Variants in CDADC1 observed in about 807,000 individuals in gnomAD.
CDADC1 encodes the protein cytidine and dCMP deaminase domain containing 1.
In CDADC1, 39 loss-of-function variants were observed where a neutral mutation model predicts 54.9. That is an observed-to-expected ratio of 0.71 (90% CI 0.55 to 0.93). The LOEUF is 0.93. Among genes scored for constraint, CDADC1 ranks in the 40% least tolerant of loss-of-function variants. CDADC1 has a pLI of 0.00. For synonymous variants in CDADC1, 186 were observed against 204.0 expected, an observed-to-expected ratio of 0.91 and a Z score of 0.75; for missense variants, 518 against 618.8, an observed-to-expected ratio of 0.84 and a Z score of 1.73.
Position 49,292,405 on chromosome 13 carries a change from C to T in CDADC1, c.*648C>T, listed in dbSNP as rs1220295405. The T allele has an allele frequency of 3.4e-5, 34 of 994,826 alleles. No homozygotes were observed. The highest frequency in any genetic ancestry group is 9.0e-5 in the South Asian group (2 of 22,344). The allele number at this position is 994,826 out of a possible 1,614,324, so 61.6% of individuals were successfully genotyped here. On this transcript the variant is annotated 3_prime_UTR_variant, in exon 10 of 10. Coordinates refer to ENST00000251108, the MANE Select transcript of CDADC1 (RefSeq NM_030911.4). The stretch of plus-strand genomic sequence containing the variant: ...AGAGAGTGTTATTCTGAGACAGTGT[C>T]GCTGCTTGATATCACTGACTCTTGA...
intron 1 of CDADC1, among the ~76,000 whole-genome samples, chr13:49,248,635 T>C (rs1192760624): frequency 6.6e-6 from 1 of 152,228 alleles, no homozygotes; most frequent in Non-Finnish European, 1.5e-5. Context: ...CGTTTTTTCC[T>C]GCAGGGTGAG....
chr13:49,262,082 C>G (rs1034629739), intron 4 of CDADC1, among the ~76,000 whole-genome samples: 2 of 152,160 alleles, frequency 1.3e-5, no homozygotes, highest in African/African-American at 4.8e-5. Flanking sequence ...TGTTGTAGCA[C>G]AGTGGTTCTC....
intron 2 of CDADC1, among the ~76,000 whole-genome samples, chr13:49,252,101 C>G (rs1952447067): frequency 6.6e-6 from 1 of 152,220 alleles, no homozygotes; most frequent in Non-Finnish European, 1.5e-5. Context: ...AGCCAGGCAA[C>G]CTGGAACTAG....
rs1475556670 is a variant in CDADC1 at position 49,291,734 on chromosome 13, A to G, written c.1522A>G (p.Lys508Glu). 6.2e-7 allele frequency: 1 copy of G among 1,614,134 alleles called. No homozygotes were observed. The highest frequency in any genetic ancestry group is 2.2e-5 in the East Asian group (1 of 44,878). Residue 508 changes from lysine (K) to glutamate (E), a missense_variant, in exon 10 of 10, where the codon AAG (lysine) becomes GAG (glutamate). Lys to Glu is a moderately conservative substitution (Grantham distance 56). Transcript: ENST00000251108. ...PQKEEQHQDKKLRLGIH is the reference protein window; with the variant it reads ...PQKEEQHQDKELRLGIH ...GAAGGAAGAGCAGCACCAGGACAAGAAGCTGCGCCTCGGAATCCACTAAGA... is the reference window on the plus strand; with the variant it reads ...GAAGGAAGAGCAGCACCAGGACAAGGAGCTGCGCCTCGGAATCCACTAAGA...
At chr13:49,284,137 C>T (rs1478354401) in intron 8 of CDADC1, among the ~76,000 whole-genome samples, 1 of 152,158 alleles carries the variant, frequency 6.6e-6, no homozygotes, top group Admixed American at 6.6e-5. Flanking sequence ...AACACTGTTT[C>T]CAAGAATAGA....
chr13:49,255,500 C>T (rs1008348537), intron 2 of CDADC1, among the ~76,000 whole-genome samples: 1 of 152,220 alleles, frequency 6.6e-6, no homozygotes, highest in Non-Finnish European at 1.5e-5. Flanking sequence ...TAATTTACCT[C>T]TATTCCACTT....
chr13:49,269,972 G>A (rs1026587566), intron 5 of CDADC1, among the ~76,000 whole-genome samples: 2 of 152,090 alleles, frequency 1.3e-5, no homozygotes, highest in Non-Finnish European at 2.9e-5. Context: ...ATTTTTCAAG[G>A]TTAATTGTTG....
rs141870603 is a variant in CDADC1, at chr13:49,251,422, G to A, written c.177+2457G>A. 4.9e-3 allele frequency among the ~76,000 whole-genome samples: 738 copies of A among 149,492 alleles called. 4 individuals carry two copies. The highest frequency in any genetic ancestry group is 0.017 in the African/African-American group (665 of 39,882). On this transcript the variant is annotated intron_variant, in intron 2 of 9. Transcript: ENST00000251108. Reference sequence around the variant, plus strand: ...AAAGAAAAAAAAAAGAAAAAAAAACGTATAAAAACTGGACATATTAGAGAT... The same window carrying A: ...AAAGAAAAAAAAAAGAAAAAAAAACATATAAAAACTGGACATATTAGAGAT...
chr13:49,248,819 C>T, intron 1 of CDADC1, 52 bp from the exon 2 acceptor site: 1 of 1,183,156 alleles, frequency 8.5e-7, no homozygotes, highest in Non-Finnish European at 1.3e-6. Flanking sequence ...AGATTGGCTC[C>T]CTTTTTCACC....
intron 1 of CDADC1, 45 bp downstream of exon 1, chr13:49,248,164 G>T (rs1952339759): frequency 1.4e-6 from 2 of 1,465,742 alleles, no homozygotes; most frequent in Non-Finnish European, 1.9e-6. Context: ...CTTTCGCTCT[G>T]CCCTGTGCGT....
In CDADC1 at chr13:49,267,771, G is replaced by C; in HGVS notation, c.712G>C (p.Glu238Gln). The change falls in exon 5 of 10, where the codon GAA becomes CAA. Residue 238 changes from glutamate to glutamine, a missense_variant. Glu to Gln is a conservative substitution (Grantham distance 29). Coordinates refer to ENST00000251108, the MANE Select transcript of CDADC1 (RefSeq NM_030911.4). ...TGAATGTAAACAAGAAAGAATAAAA[G>C]AATATGAAATGTTATTTTTGGTTTC... Reference protein sequence around the residue: ...YYECKQERIKEYEMLFLVSNE... With the variant: ...YYECKQERIKQYEMLFLVSNE... The C allele has an allele frequency of 6.2e-7, 1 of 1,612,088 alleles. No homozygotes were observed. The highest frequency in any genetic ancestry group is 1.1e-5 in the South Asian group (1 of 90,866).
chr13:49,269,257 CAGATGCTATACTTTTTACTTT>C (rs1566364873), intron 5 of CDADC1, among the ~76,000 whole-genome samples: 2 of 52,916 alleles, frequency 3.8e-5, no homozygotes, highest in Non-Finnish European at 9.7e-5. Context: ...ATAAAAAGTA[CAGATGCTATACTTTTTACTTT>C]TATAAAAAGT....
intron 5 of CDADC1, among the ~76,000 whole-genome samples, chr13:49,272,360 TAAACTC>T (rs1313551081): frequency 3.9e-5 from 6 of 152,244 alleles, no homozygotes; most frequent in African/African-American, 1.4e-4. Context: ...CCACTCATGT[TAAACTC>T]TAAAGGTCTA....
Position 49,291,827 on chromosome 13 carries a change from A to G in CDADC1, c.*70A>G. 2 of 1,553,042 alleles carry G rather than the reference A, an allele frequency of 1.3e-6. No homozygotes were observed. Among genetic ancestry groups the G allele is most frequent in the Non-Finnish European group, 8.7e-7 (1 of 1,151,404 alleles). ...GCACTTCTAAAATTCAGCCTTGTTC[A>G]TTCAGAAAATAAGGATGGATTTTGT... On this transcript the variant is annotated 3_prime_UTR_variant, in exon 10 of 10. Transcript: ENST00000251108.
Position 49,274,289 on chromosome 13 carries a change from A to G in CDADC1, c.1001-2A>G, listed in dbSNP as rs1289910204. On this transcript the variant is annotated splice_acceptor_variant, in intron 5 of 9. Transcript: ENST00000251108. LOFTEE classifies it high-confidence loss of function. ...CTGAGTTAAATGCCATATATCTTTC[A>G]GAGGATCATAAAACAGGAGTTGGGG... 11 of 1,607,184 alleles carry G rather than the reference A, an allele frequency of 6.8e-6. No homozygotes were observed. The highest frequency in any genetic ancestry group is 6.8e-6 in the Non-Finnish European group (8 of 1,174,788).
rs754900608 is a variant in CDADC1, at chr13:49,268,051, A to G, written c.992A>G (p.Tyr331Cys). ...HCMVQARLLA[Y>C]RTEDHKTGVG... Reference sequence around the variant, plus strand: ...ATGGTTCAGGCCAGGTTATTGGCATATCGAACTGGTGAGTTACATAGATCG... The same window carrying G: ...ATGGTTCAGGCCAGGTTATTGGCATGTCGAACTGGTGAGTTACATAGATCG... The change falls in exon 5 of 10, where the codon TAT (tyrosine) becomes TGT (cysteine). Residue 331 changes from tyrosine to cysteine, a missense_variant. Coordinates refer to ENST00000251108, the MANE Select transcript of CDADC1 (RefSeq NM_030911.4). 6 of 1,608,914 alleles carry G rather than the reference A, an allele frequency of 3.7e-6. No individual in the cohort carries two copies. Among genetic ancestry groups the G allele is most frequent in the African/African-American group, 2.7e-5 (2 of 74,858 alleles).
At chr13:49,249,066 G>T (rs959848557) in intron 2 of CDADC1, 101 bp downstream of exon 2, 2 of 713,772 alleles carry the variant, frequency 2.8e-6, no homozygotes, top group Non-Finnish European at 5.0e-6. Context: ...ACTTAACAAG[G>T]CTTAAGATTT....
At chr13:49,287,425 A>G (rs925872554) in intron 9 of CDADC1, among the ~76,000 whole-genome samples, 1 of 152,176 alleles carries the variant, frequency 6.6e-6, no homozygotes, top group Non-Finnish European at 1.5e-5. Flanking sequence ...GTACATATCC[A>G]CTGCATCTTT....
At chr13:49,275,084 A>C (rs1326044685) in intron 6 of CDADC1, among the ~76,000 whole-genome samples, 1 of 143,408 alleles carries the variant, frequency 7.0e-6, no homozygotes, top group Non-Finnish European at 1.5e-5. Context: ...CTTGGTGAAC[A>C]TTCTTTTTTT....
Sources: gnomAD v4.1 joint callset for allele counts (sites outside exome capture counted in the v4.1 genomes callset) on GRCh38, gnomAD v4.1.1 for gene constraint, MANE v1.5 for transcripts, NCBI Gene and HGNC (gene_info 2026-07-23, HGNC 2026-07-21) for gene names.